ELMOD1: variants seen among roughly 807,000 people sequenced by gnomAD.
ELMOD1 encodes ELMO domain-containing protein 1.
ELMOD1 carries 21 observed loss-of-function variants against 46.7 expected under a neutral mutation model. The observed-to-expected ratio is 0.45, with a 90% CI of 0.32 to 0.65. The LOEUF is 0.65. Ranked by LOEUF, ELMOD1 falls within the 30% of genes least tolerant of loss-of-function variation. ELMOD1 has a pLI of 0.04. For missense variants in ELMOD1, 348 were observed against 407.8 expected (o/e 0.85, Z 1.26); for synonymous variants, 122 against 138.2 (o/e 0.88, Z 0.82).
chr11:107,665,188 C>T lies in ELMOD1; in HGVS notation c.996C>T (p.Ile332=). 1 of 1,613,824 alleles carries T rather than the reference C, an allele frequency of 6.2e-7. No homozygotes were observed. The highest frequency in any genetic ancestry group is 8.5e-7 in the Non-Finnish European group (1 of 1,179,830). Residue 332 remains isoleucine (I), a synonymous_variant, in exon 12 of 12, where the codon ATC becomes ATT. Transcript: ENST00000265840. Reference sequence around the variant, plus strand: ...ATTTTGCTGCCTCGGAAGGTTTAATCAACATGTAGTTGCCCACGCCGGTTT... The same window carrying T: ...ATTTTGCTGCCTCGGAAGGTTTAATTAACATGTAGTTGCCCACGCCGGTTT... ...CPHFAASEGL[I]NM
In ELMOD1 at chr11:107,666,541, A is replaced by G. The variant is rs1220755729; in HGVS notation, c.*1344A>G. On this transcript the variant is annotated 3_prime_UTR_variant, in exon 12 of 12. Coordinates refer to ENST00000265840, the MANE Select transcript of ELMOD1 (RefSeq NM_018712.4). Reference sequence around the variant, plus strand: ...AAGTTGCTTAGAAAGGGAAAAGTCAAATTGTTCCAGAACTGCTAAAAATCA... The same window carrying G: ...AAGTTGCTTAGAAAGGGAAAAGTCAGATTGTTCCAGAACTGCTAAAAATCA... 1.3e-5 allele frequency: 2 copies of G among 152,678 alleles called. No individual in the cohort carries two copies. Among genetic ancestry groups the G allele is most frequent in the African/African-American group, 4.8e-5 (2 of 41,466 alleles). 9.5% of individuals were successfully genotyped at this position (152,678 alleles called of 1,614,324 possible). A position where few individuals can be genotyped will look rare whatever the true frequency, so the allele number is the denominator to read the frequency against.
chr11:107,620,321 G>C (rs1283968246), intron 2 of ELMOD1: 1 of 152,124 alleles, frequency 6.6e-6, no homozygotes, highest in Non-Finnish European at 1.5e-5. Context: ...GGAAAAAATG[G>C]ATTTTGATCT....
intron 7 of ELMOD1, among the ~76,000 whole-genome samples, chr11:107,648,797 CT>C (rs1270707662): frequency 6.0e-5 from 9 of 151,110 alleles, no homozygotes; most frequent in Admixed American, 5.9e-4. Flanking sequence ...TAAAACACCA[CT>C]TGTTAACTCC....
Position 107,650,275 on chromosome 11 carries a change from T to C in ELMOD1, c.555-60T>C, listed in dbSNP as rs567441629. 6.1e-5 allele frequency: 74 copies of C among 1,203,388 alleles called. 1 individual carries two copies. The Admixed American group carries it at 9.8e-4, about 16-fold the overall frequency. The allele number at this position is 1,203,388 out of a possible 1,614,324, so 74.5% of individuals were successfully genotyped here. On this transcript the variant is annotated intron_variant, in intron 7 of 11. Transcript: ENST00000265840. ...AAAATGACCTCGAATTGGATTAAAA[T>C]GAATATATTCAGCGAGTAAGCAAGT...
At position 107,591,267 on chromosome 11, in the gene ELMOD1, G is replaced by GC. The variant is rs1432924158; in HGVS notation, c.-224dup. 6.6e-6 allele frequency: 1 copy of GC among 152,180 alleles called. No homozygotes were observed. Among genetic ancestry groups the GC allele is most frequent in the African/African-American group, 2.4e-5 (1 of 41,408 alleles). 9.4% of individuals were successfully genotyped at this position (152,180 alleles called of 1,614,324 possible). A position where few individuals can be genotyped will look rare whatever the true frequency, so the allele number is the denominator to read the frequency against. On this transcript the variant is annotated 5_prime_UTR_variant, in exon 1 of 12. Coordinates refer to ENST00000265840, the MANE Select transcript of ELMOD1 (RefSeq NM_018712.4). ...CGCAGCCAGTGCGGCAGCCGCGGCCGCCCCTGTCCAGCCTCGGCGCCCGGG... is the reference window on the plus strand; with the variant it reads ...CGCAGCCAGTGCGGCAGCCGCGGCCGCCCCCTGTCCAGCCTCGGCGCCCGGG...
intron 1 of ELMOD1, among the ~76,000 whole-genome samples, chr11:107,617,078 G>C (rs923738270): frequency 6.6e-6 from 1 of 152,130 alleles, no homozygotes. Context: ...AACACACAAA[G>C]TTGAGAAGAT....
At chr11:107,658,077 A>T (rs189109052) in intron 11 of ELMOD1, among the ~76,000 whole-genome samples, 12 of 152,350 alleles carry the variant, frequency 7.9e-5, no homozygotes, top group African/African-American at 2.9e-4. Context: ...AGCGGGAGCT[A>T]AATCTTTATC....
chr11:107,655,315 C>T (rs1371988459), intron 10 of ELMOD1, among the ~76,000 whole-genome samples: 3 of 151,994 alleles, frequency 2.0e-5, no homozygotes, highest in Non-Finnish European at 4.4e-5. Context: ...GAATAGTTTC[C>T]ATGTCATTGC....
At chr11:107,618,280 CA>C in intron 2 of ELMOD1, 74 bp downstream of exon 2, 1 of 1,480,528 alleles carries the variant, frequency 6.8e-7, no homozygotes, top group Non-Finnish European at 9.2e-7. Context: ...GTAATATTAC[CA>C]GTCATCGTTT....
At chr11:107,618,035 G>A in intron 1 of ELMOD1, 70 bp from the exon 2 acceptor site, 1 of 769,502 alleles carries the variant, frequency 1.3e-6, no homozygotes. Flanking sequence ...GCCTCAGTAA[G>A]CAGAAATTTT....
At chr11:107,599,755 A>G (rs867925433) in intron 1 of ELMOD1, among the ~76,000 whole-genome samples, 8 of 138,894 alleles carry the variant, frequency 5.8e-5, no homozygotes, top group African/African-American at 2.4e-4. Context: ...AAAAAAAGAA[A>G]AAAAGAAAAG....
chr11:107,610,752 C>A (rs1865763510), intron 1 of ELMOD1, among the ~76,000 whole-genome samples: 2 of 149,584 alleles, frequency 1.3e-5, no homozygotes, highest in Admixed American at 1.3e-4. Flanking sequence ...TTGAAGTCAA[C>A]AGGCTGATGT....
chr11:107,616,566 A>G (rs562230478), intron 1 of ELMOD1, among the ~76,000 whole-genome samples: 1 of 151,894 alleles, frequency 6.6e-6, no homozygotes, highest in Non-Finnish European at 1.5e-5. Flanking sequence ...TTTAGTAGAG[A>G]TGAGGTTTCT....
At chr11:107,616,322 A>G (rs937607438) in intron 1 of ELMOD1, among the ~76,000 whole-genome samples, 3 of 150,696 alleles carry the variant, frequency 2.0e-5, no homozygotes, top group Non-Finnish European at 4.4e-5. Context: ...TTTTTCCCCT[A>G]TCCACACTGT....
Position 107,591,252 on chromosome 11 carries a change from G to A in ELMOD1, c.-243G>A, listed in dbSNP as rs1355462573. ...CGCCCCTTCCGCGCCCGCAGCCAGT[G>A]CGGCAGCCGCGGCCGCCCCTGTCCA... On this transcript the variant is annotated 5_prime_UTR_variant, in exon 1 of 12. Transcript: ENST00000265840. The A allele has an allele frequency of 6.6e-6, 1 of 152,146 alleles. No individual in the cohort carries two copies. The highest frequency in any genetic ancestry group is 1.5e-5 in the Non-Finnish European group (1 of 68,104). 9.4% of individuals were successfully genotyped at this position (152,146 alleles called of 1,614,324 possible). A position where few individuals can be genotyped will look rare whatever the true frequency, so the allele number is the denominator to read the frequency against.
chr11:107,633,526 G>A (rs757894962), intron 5 of ELMOD1, among the ~76,000 whole-genome samples: 4 of 152,020 alleles, frequency 2.6e-5, no homozygotes, highest in Non-Finnish European at 4.4e-5. Flanking sequence ...TCCACCTCCC[G>A]GGTTCAAGCG....
At chr11:107,608,917 C>T (rs527435882) in intron 1 of ELMOD1, among the ~76,000 whole-genome samples, 7 of 152,276 alleles carry the variant, frequency 4.6e-5, no homozygotes, top group African/African-American at 1.7e-4. Flanking sequence ...ATTCTCATGT[C>T]AATCCAGAGG....
Position 107,647,449 on chromosome 11 carries a change from CT to C in ELMOD1, c.421-8del, listed in dbSNP as rs148940010. The C allele has an allele frequency of 0.039, 38,401 of 976,250 alleles. No individual in the cohort carries two copies. Among genetic ancestry groups the C allele is most frequent in the South Asian group, 0.078 (4,110 of 52,806 alleles). The allele number at this position is 976,250 out of a possible 1,614,324, so 60.5% of individuals were successfully genotyped here. A position where few individuals can be genotyped will look rare whatever the true frequency, so the allele number is the denominator to read the frequency against. The stretch of plus-strand genomic sequence containing the variant: ...GAAAGGGTGTATCAACAGAGTAATC[CT>C]TTTTTTTTTTCCTACAGTTATGGAA... On this transcript the variant is annotated intron_variant, in intron 6 of 11. Transcript: ENST00000265840.
chr11:107,611,874 A>T (rs546843594), intron 1 of ELMOD1, among the ~76,000 whole-genome samples: 151 of 152,258 alleles, frequency 9.9e-4, no homozygotes, highest in African/African-American at 3.5e-3. Flanking sequence ...AAAACAGCAG[A>T]TGCTGGCAAG....
Sources: gnomAD v4.1 joint callset for allele counts (sites outside exome capture counted in the v4.1 genomes callset) on GRCh38, gnomAD v4.1.1 for gene constraint, MANE v1.5 for transcripts, NCBI Gene and HGNC (gene_info 2026-07-23, HGNC 2026-07-21) for gene names.